BCL9L: variants seen among roughly 807,000 people sequenced by gnomAD.
The protein encoded by BCL9L is BCL9 like, also known as B-cell CLL/lymphoma 9-like protein.
BCL9L carries 19 observed loss-of-function variants against 99.4 expected under a neutral mutation model. The ratio of observed to expected loss-of-function variants is 0.19; its 90% CI spans 0.13 to 0.28. The LOEUF (loss-of-function observed/expected upper bound fraction) is 0.28, where lower values mean the gene tolerates loss of function less well. Ranked by LOEUF, BCL9L falls within the 10% of genes least tolerant of loss-of-function variation. The pLI, the probability that BCL9L is intolerant of heterozygous loss-of-function variation, is 1.00. For synonymous variants in BCL9L, 900 were observed against 854.8 expected (o/e 1.05, Z -0.92); for missense variants, 2,023 against 2,101.6 (o/e 0.96, Z 0.73).
rs555739924 is a variant in BCL9L, at chr11:118,922,210, C to T, written c.-131+3028G>A. Among the ~76,000 whole-genome samples, 1 of 152,186 alleles carries T rather than the reference C, an allele frequency of 6.6e-6. No homozygotes were observed. The highest frequency in any genetic ancestry group is 1.5e-5 in the Non-Finnish European group (1 of 68,010). ...GTGGGGCTCAGAGGCCTGGCCCTGG[C>T]ACCAGGCAGAGGAAATTCCAGGCTG... On this transcript the variant is annotated intron_variant, in intron 1 of 9. Coordinates refer to ENST00000683865, the MANE Select transcript of BCL9L (RefSeq NM_001378213.1). The surrounding 1 kb of genome is among the most constrained non-coding windows in gnomAD (Gnocchi z 6.2).
At chr11:118,913,407 A>G (rs1421183378) in intron 2 of BCL9L, among the ~76,000 whole-genome samples, 1 of 152,148 alleles carries the variant, frequency 6.6e-6, no homozygotes, top group Non-Finnish European at 1.5e-5. Flanking sequence ...CTGCACAGAC[A>G]AGTGGCATTG....
In BCL9L at chr11:118,898,294, G is replaced by GCCCCCCCACCCCCCCCC; in HGVS notation, c.*120_*121insGGGGGGGGGTGGGGGGG. The GCCCCCCCACCCCCCCCC allele has an allele frequency of 2.2e-6, 1 of 452,312 alleles. No individual in the cohort carries two copies. The highest frequency in any genetic ancestry group is 4.1e-6 in the Non-Finnish European group (1 of 244,762). The allele number at this position is 452,312 out of a possible 1,614,324, so 28.0% of individuals were successfully genotyped here. ...TCCACAAATGCCACTCCCTACACAA[G>GCCCCCCCACCCCCCCCC]CCCCCTCCCACCCCCTCCACCCCAC... On this transcript the variant is annotated 3_prime_UTR_variant, in exon 10 of 10. Coordinates refer to ENST00000683865, the MANE Select transcript of BCL9L (RefSeq NM_001378213.1).
Position 118,898,037 on chromosome 11 carries a change from C to T in BCL9L, c.*378G>A. 1 of 418,262 alleles carries T rather than the reference C, an allele frequency of 2.4e-6. No homozygotes were observed. The highest frequency in any genetic ancestry group is 4.5e-6 in the Non-Finnish European group (1 of 220,610). 25.9% of individuals were successfully genotyped at this position (418,262 alleles called of 1,614,324 possible). A position where few individuals can be genotyped will look rare whatever the true frequency, so the allele number is the denominator to read the frequency against. ...AGGAGCAGAAGGGGCTGGGGGAGAC[C>T]TGACCTGTCCTTCCTCTCTCCCCCC... On this transcript the variant is annotated 3_prime_UTR_variant, in exon 10 of 10. Coordinates refer to ENST00000683865, the MANE Select transcript of BCL9L (RefSeq NM_001378213.1).
At chr11:118,906,447 G>A (rs1391867289) in intron 5 of BCL9L, among the ~76,000 whole-genome samples, 4 of 152,148 alleles carry the variant, frequency 2.6e-5, no homozygotes, top group African/African-American at 9.7e-5. Flanking sequence ...CTACACCCCT[G>A]TCACAGACAT....
chr11:118,903,293 A>ACGCGCC lies in BCL9L; in HGVS notation c.691_692insGGCGCG (p.Gly230_Val231insGlyArg), dbSNP rs1555174497. On this transcript the variant is annotated inframe_insertion, in exon 6 of 10. Coordinates refer to ENST00000683865, the MANE Select transcript of BCL9L (RefSeq NM_001378213.1). This position sits in a 1 kb window ranked among gnomAD's most constrained non-coding sequence, Gnocchi z 5.6. ...GAACTGCGAGGGAGGCTTTCCGGGGACGCCCCCGCCCCCGCCCCCGCCCCC... is the reference window on the plus strand; with the variant it reads ...GAACTGCGAGGGAGGCTTTCCGGGGACGCGCCCGCCCCCGCCCCCGCCCCCGCCCCC... 6.3e-7 allele frequency: 1 copy of ACGCGCC among 1,577,794 alleles called. No individual in the cohort carries two copies. The highest frequency in any genetic ancestry group is 1.2e-5 in the South Asian group (1 of 86,764).
In BCL9L at chr11:118,899,117, C is replaced by A; in HGVS notation, c.3798G>T (p.Leu1266=). The change falls in exon 10 of 10, where the codon CTG becomes CTT. Residue 1266 remains leucine (L), a synonymous_variant. Coordinates refer to ENST00000683865, the MANE Select transcript of BCL9L (RefSeq NM_001378213.1). The part of the protein sequence containing the change: ...PSGMALPPED[L]PNQPPGPMPP... Reference sequence around the variant, plus strand: ...GCATGGGGCCTGGCGGCTGGTTGGGCAGGTCCTCGGGAGGCAGGGCCATGC... The same window carrying A: ...GCATGGGGCCTGGCGGCTGGTTGGGAAGGTCCTCGGGAGGCAGGGCCATGC... 6.4e-7 allele frequency: 1 copy of A among 1,564,904 alleles called. No individual in the cohort carries two copies. The highest frequency in any genetic ancestry group is 1.2e-5 in the South Asian group (1 of 86,226).
In BCL9L at chr11:118,897,758, T is replaced by C; in HGVS notation, c.*657A>G. ...AAGGGGGGAAGGGTTTCTTTTATCC[T>C]TTTTTTTTTGTGTGACTTCTATCAA... is the stretch of plus-strand genomic sequence containing the variant. On this transcript the variant is annotated 3_prime_UTR_variant, in exon 10 of 10. Transcript: ENST00000683865. The C allele has an allele frequency of 3.3e-6, 1 of 302,632 alleles. No homozygotes were observed. Among genetic ancestry groups the C allele is most frequent in the South Asian group, 2.1e-5 (1 of 47,848 alleles). 18.7% of individuals were successfully genotyped at this position (302,632 alleles called of 1,614,324 possible).
chr11:118,911,419 G>A (rs1051021647), intron 2 of BCL9L: 3 of 363,364 alleles, frequency 8.3e-6, no homozygotes, highest in African/African-American at 4.2e-5. Context: ...ATTGGCCTTC[G>A]CCACTCCAGC....
At chr11:118,920,708 G>A (rs1941113271) in intron 1 of BCL9L, among the ~76,000 whole-genome samples, 1 of 152,136 alleles carries the variant, frequency 6.6e-6, no homozygotes, top group South Asian at 2.1e-4. Context: ...GGTGGTATGA[G>A]GACCCTACAA....
In BCL9L at chr11:118,899,959, G is replaced by C; in HGVS notation, c.3364C>G (p.Pro1122Ala). 1 of 1,613,824 alleles carries C rather than the reference G, an allele frequency of 6.2e-7. No homozygotes were observed. Among genetic ancestry groups the C allele is most frequent in the Non-Finnish European group, 8.5e-7 (1 of 1,179,990 alleles). Residue 1122 changes from proline to alanine, a missense_variant, in exon 9 of 10, where the codon CCC becomes GCC. By Grantham distance (27) the Pro-to-Ala change is conservative (BLOSUM62 -1). Around this residue, in one of 3 missense-constraint regions of BCL9L, gnomAD observed 902 missense variants for 888.2 expected, o/e 1.02. Transcript: ENST00000683865. ...GGTGGTGGTGGGGGGGGCAGCAGGG[G>C]CCGGTCGGGCAGCAGCTCGTCGTCT... is the stretch of plus-strand genomic sequence containing the variant. ...TSDDELLPDR[P>A]LLPPPPPPQG...
chr11:118,924,424 C>T (rs564988989), intron 1 of BCL9L, among the ~76,000 whole-genome samples: 11 of 151,888 alleles, frequency 7.2e-5, no homozygotes, highest in Non-Finnish European at 1.2e-4. Context: ...GCTGGACAGA[C>T]AGACAGTAGC....
intron 2 of BCL9L, among the ~76,000 whole-genome samples, chr11:118,917,588 G>A (rs912044228): frequency 2.0e-5 from 3 of 152,108 alleles, no homozygotes; most frequent in African/African-American, 7.2e-5. Context: ...GAACGATGAC[G>A]AAAGAAAGCA....
At chr11:118,907,814 C>A (rs769491678) in intron 4 of BCL9L, among the ~76,000 whole-genome samples, 2 of 152,244 alleles carry the variant, frequency 1.3e-5, no homozygotes, top group African/African-American at 2.4e-5. Flanking sequence ...CCCCTCCCCC[C>A]CAACACCAAG....
In BCL9L at chr11:118,920,590, G is replaced by GA. The variant is rs143206324; in HGVS notation, c.-130-1712dup. Among the ~76,000 whole-genome samples, 981 of 152,282 alleles carry GA rather than the reference G, an allele frequency of 6.4e-3. 15 individuals carry two copies. The highest frequency in any genetic ancestry group is 0.022 in the African/African-American group (922 of 41,548). ...TGTTCCTTGCCCTCAATGAACAAGT[G>GA]ACCCCAGAGTGGGGGCTTAGCTCCC... On this transcript the variant is annotated intron_variant, in intron 1 of 9. Coordinates refer to ENST00000683865, the MANE Select transcript of BCL9L (RefSeq NM_001378213.1).
rs748959300 is a variant in BCL9L at position 118,898,769 on chromosome 11, G to A, written c.4146C>T (p.Gly1382=). 2.9e-5 allele frequency: 46 copies of A among 1,613,716 alleles called. No individual in the cohort carries two copies. Among genetic ancestry groups the A allele is most frequent in the Admixed American group, 3.3e-5 (2 of 59,974 alleles). ...TGGACATGTTGAGCCCCCGCTGGAC[G>A]CCCTGCTGGCCTGGGAGGTTGGGAG... ...SRPPNLPGQQ[G]VQRGLNMSMC... The change falls in exon 10 of 10, where the codon GGC becomes GGT. Residue 1382 remains glycine (G), a synonymous_variant. Transcript: ENST00000683865.
In BCL9L at chr11:118,907,563, C is replaced by T. The variant is rs753547497; in HGVS notation, c.452G>A (p.Arg151Gln). ...TTCGTCCCCACTGTACGGCTGCTTC[C>T]GCTCCAGCACACAGCGCCGCTTACT... ...PRSKRRCVLE[R>Q]KQPYSGDEWC... Residue 151 changes from arginine to glutamine, a missense_variant, in exon 5 of 10, where the codon CGG (arginine) becomes CAG (glutamine). Coordinates refer to ENST00000683865, the MANE Select transcript of BCL9L (RefSeq NM_001378213.1). 4.3e-6 allele frequency: 7 copies of T among 1,613,948 alleles called. No homozygotes were observed. Among genetic ancestry groups the T allele is most frequent in the Non-Finnish European group, 5.9e-6 (7 of 1,180,030 alleles).
In BCL9L at chr11:118,897,763, T is replaced by C; in HGVS notation, c.*652A>G. The stretch of plus-strand genomic sequence containing the variant: ...GGGAAGGGTTTCTTTTATCCTTTTT[T>C]TTTTGTGTGACTTCTATCAAAACAC... On this transcript the variant is annotated 3_prime_UTR_variant, in exon 10 of 10. Transcript: ENST00000683865. 1 of 453,650 alleles carries C rather than the reference T, an allele frequency of 2.2e-6. No homozygotes were observed. Among genetic ancestry groups the C allele is most frequent in the Middle Eastern group, 3.3e-4 (1 of 3,062 alleles). 28.1% of individuals were successfully genotyped at this position (453,650 alleles called of 1,614,324 possible). A position where few individuals can be genotyped will look rare whatever the true frequency, so the allele number is the denominator to read the frequency against.
In BCL9L at chr11:118,900,893, G is replaced by A; in HGVS notation, c.2850C>T (p.Ala950=). 1 of 1,597,662 alleles carries A rather than the reference G, an allele frequency of 6.3e-7. No homozygotes were observed. Among genetic ancestry groups the A allele is most frequent in the Non-Finnish European group, 8.6e-7 (1 of 1,169,456 alleles). ...AGGGAGTCTGGGGTGACTTGAGGTT[G>A]GCAGAGGGCGAGGTGACCAGGGGTG... is the stretch of plus-strand genomic sequence containing the variant. ...VHSPLVTSPS[A]NLKSPQTPSQ... The change falls in exon 8 of 10, where the codon GCC becomes GCT. Residue 950 remains alanine (A), a synonymous_variant. Coordinates refer to ENST00000683865, the MANE Select transcript of BCL9L (RefSeq NM_001378213.1). This position sits in a 1 kb window ranked among gnomAD's most constrained non-coding sequence, Gnocchi z 5.3.
chr11:118,904,095 A>T (rs576963779), intron 5 of BCL9L, among the ~76,000 whole-genome samples: 1 of 152,226 alleles, frequency 6.6e-6, no homozygotes, highest in African/African-American at 2.4e-5. Context: ...CCAAAGAAAT[A>T]TATTTTTTAA....
Sources: allele counts gnomAD v4.1 joint callset (sites outside exome capture counted in the v4.1 genomes callset), GRCh38; gene constraint gnomAD v4.1.1; regional missense constraint gnomAD v4.1.1; non-coding constraint Gnocchi (gnomAD v3.1); transcripts MANE v1.5; gene names NCBI Gene and HGNC (gene_info 2026-07-23, HGNC 2026-07-21).